The following GLIS3 variants were observed in gnomAD, a reference collection of about 807,000 sequenced individuals.
GLIS3 encodes zinc finger protein GLIS3.
Under a neutral mutation model 78.6 loss-of-function variants are expected in GLIS3, and 53 were observed. The observed-to-expected ratio is 0.67, with a 90% CI of 0.54 to 0.85. The LOEUF is 0.85. Among genes scored for constraint, GLIS3 ranks in the 40% least tolerant of loss-of-function variants. GLIS3 has a pLI of 0.00. For synonymous variants in GLIS3, 684 were observed against 509.9 expected (o/e 1.34, Z -4.60); for missense variants, 1,703 against 1,231.1 (o/e 1.38, Z -5.74).
At chr9:4,182,647 T>C (rs1817434588) in intron 2 of GLIS3, among the ~76,000 whole-genome samples, 1 of 152,188 alleles carries the variant, frequency 6.6e-6, no homozygotes, top group South Asian at 2.1e-4. Context: ...TCCTCTTTTA[T>C]ATGGGCAAGA....
chr9:4,266,595 TACAC>T (rs57746056), intron 2 of GLIS3, among the ~76,000 whole-genome samples: 70,937 of 149,010 alleles, frequency 0.48, 17,087 homozygotes, highest in East Asian at 0.64. Context: ...CATGCGCGTG[TACAC>T]ACACACACAC....
At chr9:4,200,053 C>A (rs185009036) in intron 2 of GLIS3, among the ~76,000 whole-genome samples, 364 of 152,210 alleles carry the variant, frequency 2.4e-3, no homozygotes, top group African/African-American at 7.8e-3. Context: ...TTCAGAATGA[C>A]CTTGGAGTAA....
At chr9:4,352,412 T>C (rs1232381762), upstream of GLIS3, among the ~76,000 whole-genome samples, 5 of 152,240 alleles carry the variant, frequency 3.3e-5, no homozygotes, top group African/African-American at 9.6e-5. Flanking sequence ...TTGGGTCCTT[T>C]TGGCCTGTGA....
In GLIS3 at chr9:4,117,819, T is replaced by A; in HGVS notation, c.1659A>T (p.Lys553Asn). The A allele has an allele frequency of 6.2e-7, 1 of 1,614,084 alleles. No individual in the cohort carries two copies. The highest frequency in any genetic ancestry group is 8.5e-7 in the Non-Finnish European group (1 of 1,180,012). ...RRYKPFNARY[K>N]LLIHMRVHSG... ...AGTGGACTCTCATGTGGATCAGCAGTTTATAGCGGGCGTTGAAGGGCTTGT... is the reference window on the plus strand; with the variant it reads ...AGTGGACTCTCATGTGGATCAGCAGATTATAGCGGGCGTTGAAGGGCTTGT... Residue 553 changes from lysine to asparagine, a missense_variant, in exon 4 of 11, where the codon AAA becomes AAT. Lys to Asn is a moderately conservative substitution (Grantham distance 94, BLOSUM62 0). Transcript: ENST00000381971.
chr9:4,356,936 A>G, the GLIS3 span, among the ~76,000 whole-genome samples: 4 of 152,242 alleles, frequency 2.6e-5, no homozygotes, highest in Non-Finnish European at 5.9e-5. Flanking sequence ...AAATATTTTA[A>G]TAAGTGTTTC....
At chr9:3,927,982 A>C (rs1421829002) in intron 6 of GLIS3, among the ~76,000 whole-genome samples, 1 of 152,236 alleles carries the variant, frequency 6.6e-6, no homozygotes, top group Non-Finnish European at 1.5e-5. Context: ...TATTGAAGTA[A>C]GTTACTTTTC....
chr9:4,452,101 G>A, the GLIS3 span, among the ~76,000 whole-genome samples: 1 of 151,998 alleles, frequency 6.6e-6, no homozygotes, highest in African/African-American at 2.4e-5. Context: ...ATGCAAATAA[G>A]GCCTTTGATA....
At chr9:4,355,850 C>T in the GLIS3 span, among the ~76,000 whole-genome samples, 1 of 152,142 alleles carries the variant, frequency 6.6e-6, no homozygotes, top group Admixed American at 6.5e-5. Context: ...CAAATACCTG[C>T]TTTCTAACTA....
At chr9:4,385,737 AAAAGAAAGAAAGAAAGAAAGAAAGAAAG>A in the GLIS3 span, among the ~76,000 whole-genome samples, 24 of 54,534 alleles carry the variant, frequency 4.4e-4, 1 homozygote, top group Non-Finnish European at 5.2e-4. Context: ...GAAAGAAAGA[AAAAGAAAGAAAGAAAGAAAGAAAGAAAG>A]AAAGAAAGAA....
At chr9:3,901,546 G>C (rs1261626498) in intron 6 of GLIS3, among the ~76,000 whole-genome samples, 2 of 152,194 alleles carry the variant, frequency 1.3e-5, no homozygotes, top group Non-Finnish European at 2.9e-5. Flanking sequence ...TGATCAGAAA[G>C]AAAGACAAAC....
chr9:4,476,592 C>A, the GLIS3 span, among the ~76,000 whole-genome samples: 29 of 152,052 alleles, frequency 1.9e-4, no homozygotes, highest in African/African-American at 6.5e-4. Context: ...GAACTCCTGA[C>A]CTCAGGTGAT....
intron 4 of GLIS3, among the ~76,000 whole-genome samples, chr9:4,091,707 G>A (rs1829518272): frequency 6.6e-6 from 1 of 152,170 alleles, no homozygotes; most frequent in Admixed American, 6.5e-5. Flanking sequence ...CCATGTGAAG[G>A]AGGATGTGTT....
intron 4 of GLIS3, among the ~76,000 whole-genome samples, chr9:4,093,752 T>C (rs951020762): frequency 2.6e-5 from 4 of 152,238 alleles, no homozygotes; most frequent in African/African-American, 4.8e-5. Flanking sequence ...ATTGCAGTTA[T>C]GTGTGCTGGA....
intron 2 of GLIS3, among the ~76,000 whole-genome samples, chr9:4,145,850 G>A (rs182445203): frequency 1.2e-3 from 183 of 151,848 alleles, no homozygotes; most frequent in Non-Finnish European, 2.4e-3. Flanking sequence ...GTGCATACCC[G>A]CTCAGTAGAA....
chr9:4,066,648 T>G (rs946099280), intron 4 of GLIS3, among the ~76,000 whole-genome samples: 1 of 152,214 alleles, frequency 6.6e-6, no homozygotes, highest in African/African-American at 2.4e-5. Flanking sequence ...ATTCCACCCT[T>G]CTTTGTCCTG....
the GLIS3 span, among the ~76,000 whole-genome samples, chr9:4,489,888 A>G: frequency 4.6e-3 from 707 of 152,366 alleles, 4 homozygotes; most frequent in Non-Finnish European, 7.7e-3. Flanking sequence ...GAAGAGGAGA[A>G]TAATCCCTGT....
chr9:3,860,535 C>G (rs1306093643), intron 8 of GLIS3, among the ~76,000 whole-genome samples: 5 of 152,020 alleles, frequency 3.3e-5, no homozygotes, highest in Non-Finnish European at 7.4e-5. Flanking sequence ...CAGTAGCTCC[C>G]AACTGAGACA....
chr9:4,440,373 G>A, the GLIS3 span, among the ~76,000 whole-genome samples: 1 of 152,066 alleles, frequency 6.6e-6, no homozygotes, highest in Non-Finnish European at 1.5e-5. Context: ...TTTTATATAA[G>A]GGTCTAGTTC....
At chr9:3,976,728 C>G (rs1279415905) in intron 4 of GLIS3, among the ~76,000 whole-genome samples, 4 of 143,332 alleles carry the variant, frequency 2.8e-5, no homozygotes, top group Non-Finnish European at 6.0e-5. Context: ...GCATCTCACC[C>G]CATTCCTTAG....
Sources: allele counts gnomAD v4.1 joint callset (sites outside exome capture counted in the v4.1 genomes callset), GRCh38; gene constraint gnomAD v4.1.1; transcripts MANE v1.5; gene names NCBI Gene and HGNC (gene_info 2026-07-23, HGNC 2026-07-21).